The following SCFD2 variants were observed in gnomAD, a reference collection of about 807,000 sequenced individuals.
SCFD2 encodes the protein sec1 family domain-containing protein 2.
A neutral mutation model predicts 58.9 loss-of-function variants in SCFD2; 54 were observed. The observed-to-expected ratio is 0.92, with a 90% confidence interval of 0.74 to 1.15. The LOEUF (loss-of-function observed/expected upper bound fraction) is 1.15, where lower values mean the gene tolerates loss of function less well. Ranked by LOEUF, SCFD2 falls within the 50% of genes most tolerant of loss-of-function variation. SCFD2 has a pLI of 0.00. For synonymous variants in SCFD2, 321 were observed against 335.9 expected (o/e 0.96, Z 0.49); for missense variants, 805 against 836.6 (o/e 0.96, Z 0.47).
intron 4 of SCFD2, among the ~76,000 whole-genome samples, chr4:53,172,558 C>A (rs1727211696): frequency 1.3e-5 from 2 of 152,142 alleles, no homozygotes; most frequent in South Asian, 4.1e-4. Flanking sequence ...TCATTTTTCT[C>A]AGGACATTTT....
At chr4:53,308,516 T>C (rs1435081564) in intron 3 of SCFD2, among the ~76,000 whole-genome samples, 1 of 152,096 alleles carries the variant, frequency 6.6e-6, no homozygotes, top group East Asian at 1.9e-4. Context: ...CTCTCTCTTA[T>C]ACACACATAA....
chr4:53,222,357 A>G (rs954425046), intron 4 of SCFD2, among the ~76,000 whole-genome samples: 1 of 152,236 alleles, frequency 6.6e-6, no homozygotes, highest in African/African-American at 2.4e-5. Flanking sequence ...TTCTTCCTGA[A>G]GCTTGAAGCT....
chr4:53,254,318 T>C (rs1730516134), intron 4 of SCFD2, among the ~76,000 whole-genome samples: 2 of 152,090 alleles, frequency 1.3e-5, no homozygotes, highest in African/African-American at 4.8e-5. Flanking sequence ...CAAGATCTGA[T>C]GGTTTTATAA....
chr4:53,118,323 T>G (rs1187654994), intron 5 of SCFD2, among the ~76,000 whole-genome samples: 1 of 152,226 alleles, frequency 6.6e-6, no homozygotes, highest in Non-Finnish European at 1.5e-5. Context: ...GTTCGTGGTC[T>G]CCTGGTAGTT....
chr4:53,144,918 G>A (rs905593538), intron 5 of SCFD2, among the ~76,000 whole-genome samples: 22 of 152,094 alleles, frequency 1.4e-4, no homozygotes, highest in African/African-American at 4.8e-4. Context: ...GTTAGGAACC[G>A]GGCACAGCAG....
intron 5 of SCFD2, among the ~76,000 whole-genome samples, chr4:53,061,476 C>T (rs540250832): frequency 8.5e-5 from 13 of 152,286 alleles, no homozygotes; most frequent in Admixed American, 1.3e-4. Context: ...TCATCCAGTC[C>T]ATTCCTGTCT....
intron 3 of SCFD2, among the ~76,000 whole-genome samples, chr4:53,296,470 G>A (rs1732035988): frequency 6.6e-6 from 1 of 152,148 alleles, no homozygotes; most frequent in African/African-American, 2.4e-5. Flanking sequence ...ATGTCTGTGG[G>A]ATCGGTGGTG....
chr4:53,156,127 T>C (rs1424412226), intron 4 of SCFD2, among the ~76,000 whole-genome samples: 1 of 152,180 alleles, frequency 6.6e-6, no homozygotes, highest in Middle Eastern at 3.2e-3. Flanking sequence ...CTCACACCTG[T>C]AATCCCTGCA....
intron 3 of SCFD2, among the ~76,000 whole-genome samples, chr4:53,301,505 CG>C (rs1732292832): frequency 6.6e-6 from 1 of 152,080 alleles, no homozygotes; most frequent in South Asian, 2.1e-4. Flanking sequence ...GATTCACAGC[CG>C]AATTCTACCA....
chr4:53,094,455 G>A (rs184150646), intron 5 of SCFD2, among the ~76,000 whole-genome samples: 244 of 152,132 alleles, frequency 1.6e-3, no homozygotes, highest in African/African-American at 5.5e-3. Flanking sequence ...AGGATGGTAT[G>A]AGATACCAAT....
Position 52,966,889 on chromosome 4 carries a change from A to G in SCFD2, c.1562-46019T>C, listed in dbSNP as rs1474481396. Among the ~76,000 whole-genome samples, 3 of 152,226 alleles carry G rather than the reference A, an allele frequency of 2.0e-5. No individual in the cohort carries two copies. In the East Asian group the frequency reaches 5.8e-4, roughly 29 times the overall value. On this transcript the variant is annotated intron_variant, in intron 5 of 8. Coordinates refer to ENST00000401642, the MANE Select transcript of SCFD2 (RefSeq NM_152540.4). ...ACCATTGTAGCCATTTTAAGTGTAC[A>G]GTTCAGTGGCATTAACAACATTCAC...
chr4:53,025,630 T>C (rs888187921), intron 5 of SCFD2, among the ~76,000 whole-genome samples: 8 of 152,206 alleles, frequency 5.3e-5, no homozygotes, highest in Non-Finnish European at 1.0e-4. Context: ...ATCCAAGAGC[T>C]GAATATTTCC....
At chr4:53,114,666 G>T (rs560660201) in intron 5 of SCFD2, among the ~76,000 whole-genome samples, 7 of 152,206 alleles carry the variant, frequency 4.6e-5, no homozygotes, top group Admixed American at 4.6e-4. Flanking sequence ...TCAGTTGAAA[G>T]AAAATTAAGA....
intron 4 of SCFD2, among the ~76,000 whole-genome samples, chr4:53,247,005 A>G (rs1730102042): frequency 1.3e-5 from 2 of 151,496 alleles, no homozygotes; most frequent in Non-Finnish European, 2.9e-5. Context: ...ACAAAAAAAA[A>G]AAAAAAACTC....
chr4:52,907,393 C>T (rs1432693309), intron 7 of SCFD2, 64 bp downstream of exon 7: 3 of 1,547,212 alleles, frequency 1.9e-6, no homozygotes, highest in Non-Finnish European at 2.7e-6. Context: ...AGGGTGCCAG[C>T]ATTTTCATGC....
At chr4:52,939,517 G>C (rs973283135) in intron 5 of SCFD2, among the ~76,000 whole-genome samples, 2 of 152,098 alleles carry the variant, frequency 1.3e-5, no homozygotes, top group Admixed American at 6.6e-5. Context: ...CAGTCACTGA[G>C]TCATTCTCCA....
intron 5 of SCFD2, among the ~76,000 whole-genome samples, chr4:53,099,696 G>C (rs1406117409): frequency 6.6e-6 from 1 of 152,148 alleles, no homozygotes; most frequent in East Asian, 1.9e-4. Flanking sequence ...AACTATTAGA[G>C]CAAGTACTTA....
At chr4:53,288,801 A>G (rs1315917985) in intron 3 of SCFD2, among the ~76,000 whole-genome samples, 1 of 152,238 alleles carries the variant, frequency 6.6e-6, no homozygotes, top group Non-Finnish European at 1.5e-5. Flanking sequence ...TCATAAAAAC[A>G]TATCAAAGTA....
intron 5 of SCFD2, among the ~76,000 whole-genome samples, chr4:53,100,247 T>C (rs773575589): frequency 6.6e-6 from 1 of 152,172 alleles, no homozygotes; most frequent in Non-Finnish European, 1.5e-5. Flanking sequence ...AGTTCTCTCA[T>C]CTGTTCAATG....
Sources: gnomAD v4.1 joint callset for allele counts (sites outside exome capture counted in the v4.1 genomes callset) on GRCh38, gnomAD v4.1.1 for gene constraint, MANE v1.5 for transcripts, NCBI Gene and HGNC (gene_info 2026-07-23, HGNC 2026-07-21) for gene names.